IKZF2: variants seen among roughly 807,000 people sequenced by gnomAD.
IKZF2 encodes IKAROS family zinc finger 2.
In IKZF2, 15 loss-of-function variants were observed where a neutral mutation model predicts 49.2. The ratio of observed to expected loss-of-function variants is 0.30; its 90% CI spans 0.20 to 0.47. The LOEUF is 0.47. Ranked by LOEUF, IKZF2 falls within the 20% of genes least tolerant of loss-of-function variation. The probability of loss-of-function intolerance (pLI) is 1.00; values close to 1 mark genes in which losing one functional copy is unlikely to be tolerated. For missense variants in IKZF2, 567 were observed against 664.6 expected (o/e 0.85, Z 1.61); for synonymous variants, 227 against 221.4 (o/e 1.03, Z -0.23).
At chr2:213,109,013 C>CA (rs1471273443) in intron 4 of IKZF2, among the ~76,000 whole-genome samples, 1 of 150,140 alleles carries the variant, frequency 6.7e-6, no homozygotes, top group Non-Finnish European at 1.5e-5. Context: ...GTATGTATTT[C>CA]AAAAAATGTC....
chr2:213,074,351 C>G (rs1447799500), intron 4 of IKZF2, among the ~76,000 whole-genome samples: 1 of 152,116 alleles, frequency 6.6e-6, no homozygotes, highest in African/African-American at 2.4e-5. Context: ...GCCTGTTGTT[C>G]CTAAGCTACA....
At chr2:213,128,804 C>CTTTTTTTTTTTTTTTTT (rs1184422126) in intron 4 of IKZF2, among the ~76,000 whole-genome samples, 3 of 113,180 alleles carry the variant, frequency 2.7e-5, no homozygotes, top group African/African-American at 6.6e-5. Flanking sequence ...ATTTTTTTTT[C>CTTTTTTTTTTTTTTTTT]TTTTTTTTTT....
chr2:213,077,331 C>CTT (rs1703378727), intron 4 of IKZF2, among the ~76,000 whole-genome samples: 1 of 151,968 alleles, frequency 6.6e-6, no homozygotes. Context: ...TAATACTAGT[C>CTT]TTTTTTCCAT....
chr2:213,047,547 G>A (rs1700270288), intron 6 of IKZF2, among the ~76,000 whole-genome samples: 1 of 152,102 alleles, frequency 6.6e-6, no homozygotes, highest in Non-Finnish European at 1.5e-5. Context: ...TGGTGGTTTT[G>A]GAGATCTCAG....
intron 4 of IKZF2, among the ~76,000 whole-genome samples, chr2:213,137,518 T>C (rs1044488140): frequency 1.3e-5 from 2 of 152,062 alleles, no homozygotes; most frequent in Admixed American, 1.3e-4. Flanking sequence ...GCATTTCTAA[T>C]AGAAATAGAC....
chr2:213,112,581 CCT>C (rs139511975), intron 4 of IKZF2, among the ~76,000 whole-genome samples: 40,004 of 150,940 alleles, frequency 0.27, 6,484 homozygotes, highest in Non-Finnish European at 0.37. Flanking sequence ...CTTGCCTCAG[CCT>C]TCTGCATAGC....
intron 4 of IKZF2, among the ~76,000 whole-genome samples, chr2:213,137,612 T>A (rs1291625105): frequency 6.6e-6 from 1 of 152,096 alleles, no homozygotes; most frequent in Non-Finnish European, 1.5e-5. Flanking sequence ...GTAACAGATG[T>A]ATTGAAAATA....
rs906089441 is a variant in IKZF2, at chr2:213,000,740, T to C, written c.*6620A>G. The C allele has an allele frequency of 3.3e-5, 5 of 152,006 alleles. No homozygotes were observed. Among genetic ancestry groups the C allele is most frequent in the Non-Finnish European group, 5.9e-5 (4 of 67,676 alleles). 9.4% of individuals were successfully genotyped at this position (152,006 alleles called of 1,614,324 possible). ...GTGTTTAAAACTCAGCTAAGTGCTT[T>C]GCTTTTATTTAAAAGTTTATTTCTA... On this transcript the variant is annotated 3_prime_UTR_variant, in exon 9 of 9. Transcript: ENST00000434687.
chr2:213,032,162 A>G (rs1289935965), intron 6 of IKZF2, among the ~76,000 whole-genome samples: 1 of 152,206 alleles, frequency 6.6e-6, no homozygotes, highest in African/African-American at 2.4e-5. Flanking sequence ...GTAAACAGAA[A>G]GGCTAGTAAG....
chr2:213,093,012 A>T (rs1001481504), intron 4 of IKZF2, among the ~76,000 whole-genome samples: 5 of 152,212 alleles, frequency 3.3e-5, no homozygotes, highest in Admixed American at 6.5e-5. Flanking sequence ...TAATGAAGTC[A>T]GAAAGTTTTC....
chr2:213,081,484 A>G (rs996655962), intron 4 of IKZF2, among the ~76,000 whole-genome samples: 4 of 152,162 alleles, frequency 2.6e-5, no homozygotes, highest in Non-Finnish European at 5.9e-5. Flanking sequence ...ATATGGCATG[A>G]TGAGTACACT....
In IKZF2 at chr2:213,150,905, T is replaced by G. The variant is rs114287184; in HGVS notation, c.-120+508A>C. On this transcript the variant is annotated intron_variant, in intron 1 of 8. Coordinates refer to ENST00000434687, the MANE Select transcript of IKZF2 (RefSeq NM_001387220.1). ...ACATGTGTCATACCAGGGTTTTTGGTTTTTTTTTTTTTTTAATTCCAACAG... is the reference window on the plus strand; with the variant it reads ...ACATGTGTCATACCAGGGTTTTTGGGTTTTTTTTTTTTTTAATTCCAACAG... Among the ~76,000 whole-genome samples the G allele has an allele frequency of 3.3e-3, 422 of 126,096 alleles. 1 individual carries two copies. Among genetic ancestry groups the G allele is most frequent in the African/African-American group, 0.013 (408 of 32,352 alleles). The allele number at this position is 126,096 out of a possible 152,430, so 82.7% of individuals were successfully genotyped here.
At chr2:213,015,822 C>T (rs566791356) in intron 7 of IKZF2, among the ~76,000 whole-genome samples, 38 of 152,102 alleles carry the variant, frequency 2.5e-4, no homozygotes, top group Non-Finnish European at 4.1e-4. Context: ...ACTAGCAAAA[C>T]TGGTTAACGG....
chr2:213,104,137 A>G (rs1018020489), intron 4 of IKZF2, among the ~76,000 whole-genome samples: 9 of 152,162 alleles, frequency 5.9e-5, no homozygotes, highest in African/African-American at 2.2e-4. Flanking sequence ...ACACATTAAT[A>G]GTACAGTTAA....
intron 4 of IKZF2, among the ~76,000 whole-genome samples, chr2:213,132,300 A>G (rs917165340): frequency 6.6e-6 from 1 of 151,600 alleles, no homozygotes; most frequent in Admixed American, 6.6e-5. Context: ...AAAACAGGAT[A>G]GGAGGTGATA....
chr2:213,045,825 C>G (rs906412931), intron 6 of IKZF2, among the ~76,000 whole-genome samples: 1 of 152,080 alleles, frequency 6.6e-6, no homozygotes, highest in African/African-American at 2.4e-5. Flanking sequence ...CAACATAGAC[C>G]ATATTTGGGT....
chr2:213,009,532 G>A (rs950356069), intron 8 of IKZF2, among the ~76,000 whole-genome samples: 37 of 152,058 alleles, frequency 2.4e-4, no homozygotes, highest in African/African-American at 8.7e-4. Flanking sequence ...GCCCCTACGT[G>A]AGATCAGTGT....
chr2:213,096,521 T>C (rs970859630), intron 4 of IKZF2, among the ~76,000 whole-genome samples: 1 of 151,960 alleles, frequency 6.6e-6, no homozygotes, highest in Non-Finnish European at 1.5e-5. Flanking sequence ...TATAATAACC[T>C]AAGCATTTCC....
At chr2:213,120,857 C>T (rs1373868354) in intron 4 of IKZF2, among the ~76,000 whole-genome samples, 2 of 152,168 alleles carry the variant, frequency 1.3e-5, no homozygotes, top group Non-Finnish European at 2.9e-5. Context: ...CCTCTCACCT[C>T]AGCCCCTCAA....
Sources: allele counts gnomAD v4.1 joint callset (sites outside exome capture counted in the v4.1 genomes callset), GRCh38; gene constraint gnomAD v4.1.1; transcripts MANE v1.5; gene names NCBI Gene and HGNC (gene_info 2026-07-23, HGNC 2026-07-21).